The following IL1RAPL2 variants were observed in gnomAD, a reference collection of about 807,000 sequenced individuals.
IL1RAPL2 encodes the protein interleukin 1 receptor accessory protein like 2, also known as X-linked interleukin-1 receptor accessory protein-like 2.
IL1RAPL2 carries 3 observed loss-of-function variants against 44.1 expected under a neutral mutation model. The observed-to-expected ratio is 0.07, with a 90% CI of 0.03 to 0.18. The LOEUF is 0.18. IL1RAPL2 is among the 10% of genes least tolerant of loss of function. IL1RAPL2 has a pLI of 1.00. For synonymous variants in IL1RAPL2, 181 were observed against 178.8 expected (o/e 1.01, Z -0.10); for missense variants, 391 against 496.4 (o/e 0.79, Z 2.02).
At chrX:104,941,898 A>G (rs771040043) in intron 2 of IL1RAPL2, among the ~76,000 whole-genome samples, 9 of 112,131 alleles carry the variant, frequency 8.0e-5, no homozygotes, top group African/African-American at 1.9e-4. Context: ...GAAGGGATCC[A>G]GATTCAGCTT....
At chrX:105,227,357 A>T (rs1221053807) in intron 3 of IL1RAPL2, among the ~76,000 whole-genome samples, 10 of 112,096 alleles carry the variant, frequency 8.9e-5, no homozygotes, top group African/African-American at 2.9e-4. Flanking sequence ...CAGGCTAGAG[A>T]TATCATCTAT....
At chrX:105,717,156 T>A (rs933205214) in intron 6 of IL1RAPL2, among the ~76,000 whole-genome samples, 1 of 111,899 alleles carries the variant, frequency 8.9e-6, no homozygotes, top group African/African-American at 3.2e-5. Context: ...AACTTTGTAT[T>A]CCCACTTTTG....
At chrX:105,638,530 C>T (rs2037541463) in intron 6 of IL1RAPL2, among the ~76,000 whole-genome samples, 1 of 111,348 alleles carries the variant, frequency 9.0e-6, no homozygotes, top group East Asian at 2.8e-4. Flanking sequence ...GTACCAGGGA[C>T]GGACTCCTTT....
chrX:104,823,669 C>T (rs184831116), intron 2 of IL1RAPL2, among the ~76,000 whole-genome samples: 3 of 109,816 alleles, frequency 2.7e-5, no homozygotes, highest in Admixed American at 1.9e-4. Flanking sequence ...CCTGAGGAAT[C>T]GCCACACTGA....
intron 2 of IL1RAPL2, among the ~76,000 whole-genome samples, chrX:104,740,619 T>C (rs1269046861): frequency 5.4e-5 from 6 of 111,370 alleles, no homozygotes; most frequent in Non-Finnish European, 9.4e-5. Context: ...TTTCATAGCT[T>C]AGTTTATAAT....
intron 1 of IL1RAPL2, among the ~76,000 whole-genome samples, chrX:104,580,139 T>C (rs138575691): frequency 0.019 from 2,076 of 112,161 alleles, 52 homozygotes; most frequent in African/African-American, 0.063. Context: ...AGGATTGATG[T>C]ATTGATTAAA....
At chrX:105,735,501 G>C (rs6622001) in intron 7 of IL1RAPL2, among the ~76,000 whole-genome samples, 1 of 110,902 alleles carries the variant, frequency 9.0e-6, no homozygotes, top group East Asian at 2.8e-4. Context: ...TTATAACCTC[G>C]ACTCTGAAAC....
intron 2 of IL1RAPL2, among the ~76,000 whole-genome samples, chrX:104,847,124 T>A (rs1247496251): frequency 8.9e-6 from 1 of 111,907 alleles, no homozygotes; most frequent in Non-Finnish European, 1.9e-5. Flanking sequence ...TTGCAAAAAT[T>A]TTCTCCCATT....
At chrX:105,430,532 T>C (rs1457931789) in intron 5 of IL1RAPL2, among the ~76,000 whole-genome samples, 1 of 111,897 alleles carries the variant, frequency 8.9e-6, no homozygotes, top group Non-Finnish European at 1.9e-5. Context: ...TAGAGTTACA[T>C]AATACACATT....
At chrX:105,113,215 T>G (rs7883092) in intron 2 of IL1RAPL2, among the ~76,000 whole-genome samples, 9,794 of 112,260 alleles carry the variant, frequency 0.087, 1,042 homozygotes, top group African/African-American at 0.3. Flanking sequence ...CTACCTTGAA[T>G]GAGCACAGCT....
At chrX:105,706,834 ACTGCAATAATTAG>A (rs2038169782) in intron 6 of IL1RAPL2, among the ~76,000 whole-genome samples, 3 of 111,474 alleles carry the variant, frequency 2.7e-5, no homozygotes, top group African/African-American at 9.8e-5. Context: ...GATATTGCTA[ACTGCAATAATTAG>A]CTTTAATATC....
chrX:105,145,359 G>A (rs1303177827), intron 2 of IL1RAPL2, among the ~76,000 whole-genome samples: 1 of 111,583 alleles, frequency 9.0e-6, no homozygotes, highest in African/African-American at 3.3e-5. Context: ...CTGGGGCCCT[G>A]TACTTTCCTA....
chrX:105,702,700 G>GAGTT (rs1353765947), intron 6 of IL1RAPL2, among the ~76,000 whole-genome samples: 2 of 111,878 alleles, frequency 1.8e-5, no homozygotes, highest in Admixed American at 9.5e-5. Context: ...GTAAATGGTG[G>GAGTT]AGTTAGAAGT....
chrX:104,822,957 T>C (rs1377698937), intron 2 of IL1RAPL2, among the ~76,000 whole-genome samples: 1 of 111,515 alleles, frequency 9.0e-6, no homozygotes, highest in African/African-American at 3.3e-5. Context: ...CAGTTCTCCT[T>C]GAAGAGTTCC....
chrX:105,580,439 CCAA>C (rs1394899184), intron 6 of IL1RAPL2, among the ~76,000 whole-genome samples: 9 of 105,553 alleles, frequency 8.5e-5, no homozygotes, highest in Non-Finnish European at 1.7e-4. Context: ...TGTACAGCTG[CCAA>C]CAACATGTAT....
At chrX:105,023,153 G>C (rs2031310186) in intron 2 of IL1RAPL2, among the ~76,000 whole-genome samples, 2 of 110,650 alleles carry the variant, frequency 1.8e-5, no homozygotes, top group Non-Finnish European at 3.8e-5. Context: ...ACTTGACTGT[G>C]AGTCCTTTGA....
intron 2 of IL1RAPL2, among the ~76,000 whole-genome samples, chrX:104,706,419 G>A (rs886083316): frequency 8.9e-6 from 1 of 111,847 alleles, no homozygotes; most frequent in Non-Finnish European, 1.9e-5. Context: ...TCCGGTTATA[G>A]AAGTAATTGT....
chrX:105,627,795 TGCACTGA>T (rs1209674916), intron 6 of IL1RAPL2, among the ~76,000 whole-genome samples: 21 of 111,764 alleles, frequency 1.9e-4, no homozygotes, highest in Middle Eastern at 4.6e-3. Flanking sequence ...CCCAAAGGTG[TGCACTGA>T]GCACTGAGCA....
At chrX:105,476,186 C>T (rs2147772687) in intron 5 of IL1RAPL2, among the ~76,000 whole-genome samples, 1 of 112,825 alleles carries the variant, frequency 8.9e-6, no homozygotes, top group African/African-American at 3.2e-5. Context: ...TAATAAAAGG[C>T]AAATACTTCA....
Sources: allele counts gnomAD v4.1 joint callset (sites outside exome capture counted in the v4.1 genomes callset), GRCh38; gene constraint gnomAD v4.1.1; transcripts MANE v1.5; gene names NCBI Gene and HGNC (gene_info 2026-07-23, HGNC 2026-07-21).